Variants in GLI2 observed in about 807,000 individuals in gnomAD.
The protein encoded by GLI2 is GLI family zinc finger 2, also known as transcription activator GLI2.
GLI2 carries 22 observed loss-of-function variants against 78.9 expected under a neutral mutation model. That is an observed-to-expected ratio of 0.28 (90% CI 0.20 to 0.40). The LOEUF is 0.40. Among genes scored for constraint, GLI2 ranks in the 10% least tolerant of loss-of-function variants. The pLI is 1.00. For missense variants in GLI2, 2,097 were observed against 2,213.2 expected, an observed-to-expected ratio of 0.95 and a Z score of 1.05; for synonymous variants, 974 against 963.7, an observed-to-expected ratio of 1.01 and a Z score of -0.20.
chr2:120,886,199 T>C (rs1370258361), intron 2 of GLI2, among the ~76,000 whole-genome samples: 4 of 36,036 alleles, frequency 1.1e-4, no homozygotes, highest in Non-Finnish European at 1.6e-4. Flanking sequence ...TGTGTGTGTG[T>C]GTGTGTGTGT....
intron 2 of GLI2, among the ~76,000 whole-genome samples, chr2:120,863,917 G>A (rs558261487): frequency 2.0e-5 from 3 of 152,260 alleles, no homozygotes; most frequent in East Asian, 1.9e-4. Flanking sequence ...AGAGGGTGGC[G>A]TCTGCTGTGT....
At chr2:120,781,015 G>A (rs542170687) in intron 1 of GLI2, among the ~76,000 whole-genome samples, 12 of 152,266 alleles carry the variant, frequency 7.9e-5, no homozygotes, top group African/African-American at 2.6e-4. Flanking sequence ...GCTTCATCGT[G>A]TCAGCTCCCA....
chr2:120,941,901 C>T (rs960398280), intron 3 of GLI2, among the ~76,000 whole-genome samples: 4 of 152,098 alleles, frequency 2.6e-5, no homozygotes, highest in Non-Finnish European at 4.4e-5. Flanking sequence ...GAAATCCAGG[C>T]GGCAGGGGGG....
At position 120,891,686 on chromosome 2, in the gene GLI2, G is replaced by A. The variant is rs1042031526; in HGVS notation, c.149-35675G>A. Among the ~76,000 whole-genome samples the A allele has an allele frequency of 5.3e-5, 8 of 152,246 alleles. No individual in the cohort carries two copies. The Middle Eastern group carries it at 0.01, about 194-fold the overall frequency. ...ATGGGCACCTCTCCTCTGGGGAGCC[G>A]GCTATGCTCCTGGCTCCAGTAGAGT... On this transcript the variant is annotated intron_variant, in intron 2 of 13. Coordinates refer to ENST00000361492, the MANE Select transcript of GLI2 (RefSeq NM_001374353.1).
chr2:120,904,036 G>C (rs1017793249), intron 2 of GLI2, among the ~76,000 whole-genome samples: 1 of 152,212 alleles, frequency 6.6e-6, no homozygotes, highest in South Asian at 2.1e-4. Context: ...ATCCAAGGGT[G>C]GGGAGGAGGC....
At chr2:120,958,952 A>G (rs970548941) in intron 5 of GLI2, among the ~76,000 whole-genome samples, 3 of 152,218 alleles carry the variant, frequency 2.0e-5, no homozygotes, top group Admixed American at 6.5e-5. Flanking sequence ...TTGTTGGGTG[A>G]GTGAGTGAAT....
chr2:120,933,047 G>A (rs1007303715), intron 3 of GLI2, among the ~76,000 whole-genome samples: 6 of 152,140 alleles, frequency 3.9e-5, no homozygotes, highest in East Asian at 1.9e-4. Flanking sequence ...GGAGAAGGGC[G>A]GGAACTGTGG....
intron 2 of GLI2, among the ~76,000 whole-genome samples, chr2:120,875,112 C>T (rs1452426275): frequency 6.6e-6 from 1 of 152,222 alleles, no homozygotes; most frequent in Non-Finnish European, 1.5e-5. Context: ...CATCAGGGAG[C>T]CTGCTGGTGG....
chr2:120,881,574 GGA>G (rs1381252058), intron 2 of GLI2, among the ~76,000 whole-genome samples: 2 of 106,564 alleles, frequency 1.9e-5, no homozygotes, highest in African/African-American at 3.7e-5. Context: ...GACAGGTAGG[GGA>G]GGGCAGGTAG....
intron 2 of GLI2, among the ~76,000 whole-genome samples, chr2:120,866,027 A>G (rs1688114796): frequency 6.6e-6 from 1 of 152,216 alleles, no homozygotes; most frequent in African/African-American, 2.4e-5. Flanking sequence ...CCCCATGCTG[A>G]AAGATGTCCA....
At chr2:120,859,442 A>G (rs887963620) in intron 2 of GLI2, among the ~76,000 whole-genome samples, 14 of 143,806 alleles carry the variant, frequency 9.7e-5, no homozygotes, top group Non-Finnish European at 1.9e-4. Context: ...AGCCCTACAG[A>G]TACTCCCTCC....
At chr2:120,918,564 T>C (rs1239212922) in intron 2 of GLI2, among the ~76,000 whole-genome samples, 2 of 151,232 alleles carry the variant, frequency 1.3e-5, no homozygotes, top group African/African-American at 4.9e-5. Context: ...CCTCAGCCTC[T>C]CCAGTAACTG....
chr2:120,797,200 T>A, intron 1 of GLI2, 91 bp from the exon 2 acceptor site: 4 of 933,122 alleles, frequency 4.3e-6, no homozygotes, highest in Non-Finnish European at 5.3e-6. Context: ...AGTTGGTTGC[T>A]TTAGGAGCGA....
intron 1 of GLI2, among the ~76,000 whole-genome samples, chr2:120,757,666 C>T (rs551622771): frequency 4.1e-4 from 63 of 152,378 alleles, no homozygotes; most frequent in African/African-American, 1.4e-3. Context: ...AGCTCTTCCA[C>T]TGGTCTGGTG....
chr2:120,916,662 G>A (rs944134443), intron 2 of GLI2, among the ~76,000 whole-genome samples: 4 of 152,232 alleles, frequency 2.6e-5, no homozygotes, highest in African/African-American at 4.8e-5. Context: ...CATGAGCAGC[G>A]TCCTCTTACA....
chr2:120,945,309 C>T (rs1044135557), intron 3 of GLI2, among the ~76,000 whole-genome samples: 27 of 152,320 alleles, frequency 1.8e-4, no homozygotes, highest in African/African-American at 5.8e-4. Context: ...CACACACACA[C>T]GAGGAAAAGG....
At chr2:120,975,921 C>T (rs1321075876) in intron 9 of GLI2, among the ~76,000 whole-genome samples, 2 of 152,266 alleles carry the variant, frequency 1.3e-5, no homozygotes. Flanking sequence ...TTGATGCTAC[C>T]CCACAGGAGG....
chr2:120,805,427 G>A (rs1684906747), intron 2 of GLI2, among the ~76,000 whole-genome samples: 1 of 152,216 alleles, frequency 6.6e-6, no homozygotes, highest in Admixed American at 6.5e-5. Context: ...GTGCTCCCTG[G>A]GGCCTTGGCC....
chr2:120,870,834 G>C (rs766603210), intron 2 of GLI2, among the ~76,000 whole-genome samples: 14 of 152,124 alleles, frequency 9.2e-5, no homozygotes, highest in Non-Finnish European at 1.9e-4. Context: ...AGAACCTGGC[G>C]TGTAATACAT....
Sources: gnomAD v4.1 joint callset for allele counts (sites outside exome capture counted in the v4.1 genomes callset) on GRCh38, gnomAD v4.1.1 for gene constraint, MANE v1.5 for transcripts, NCBI Gene and HGNC (gene_info 2026-07-23, HGNC 2026-07-21) for gene names.